The following AAK1 variants were observed in gnomAD, a reference collection of about 807,000 sequenced individuals.
AAK1 encodes the protein AP2 associated kinase 1, also known as AP2-associated protein kinase 1.
AAK1 carries 37 observed loss-of-function variants against 116.0 expected under a neutral mutation model. The observed-to-expected ratio is 0.32, with a 90% confidence interval of 0.25 to 0.42. AAK1 has a LOEUF of 0.42. AAK1 is among the 10% of genes least tolerant of loss of function. The pLI, the probability that AAK1 is intolerant of heterozygous loss-of-function variation, is 1.00. For synonymous variants in AAK1, 458 were observed against 439.9 expected (o/e 1.04, Z -0.51); for missense variants, 919 against 1,170.6 (o/e 0.79, Z 3.14).
chr2:69,500,635 GT>G (rs1316060637), intron 16 of AAK1, among the ~76,000 whole-genome samples: 1 of 139,138 alleles, frequency 7.2e-6, no homozygotes, highest in Non-Finnish European at 1.5e-5. Context: ...TCAAATATGT[GT>G]TTGTAGCTGT....
intron 2 of AAK1, among the ~76,000 whole-genome samples, chr2:69,620,025 G>C (rs1279680471): frequency 6.6e-6 from 1 of 152,154 alleles, no homozygotes; most frequent in Non-Finnish European, 1.5e-5. Flanking sequence ...GCACTTTAAA[G>C]GCTCACTCTG....
intron 2 of AAK1, among the ~76,000 whole-genome samples, chr2:69,590,109 C>CA (rs1467414029): frequency 6.6e-6 from 1 of 152,194 alleles, no homozygotes; most frequent in African/African-American, 2.4e-5. Context: ...ACTACCACTG[C>CA]ATGAGCTCAG....
intron 8 of AAK1, among the ~76,000 whole-genome samples, chr2:69,528,672 G>A (rs1022375109): frequency 2.6e-5 from 4 of 151,940 alleles, no homozygotes; most frequent in African/African-American, 9.7e-5. Context: ...AAGGAAGGAG[G>A]GCTAATGATG....
At chr2:69,621,705 G>A (rs1239694490) in intron 2 of AAK1, among the ~76,000 whole-genome samples, 1 of 152,120 alleles carries the variant, frequency 6.6e-6, no homozygotes, top group Non-Finnish European at 1.5e-5. Context: ...GGCCAACTAC[G>A]AACACGCTGC....
chr2:69,598,956 T>C, intron 2 of AAK1: 1 of 428,364 alleles, frequency 2.3e-6, no homozygotes, highest in South Asian at 1.8e-5. Context: ...CATTATTAAC[T>C]TCACATTCTA....
At chr2:69,599,277 CATA>C (rs1673446704) in intron 2 of AAK1, among the ~76,000 whole-genome samples, 1 of 150,636 alleles carries the variant, frequency 6.6e-6, no homozygotes, top group African/African-American at 2.5e-5. Flanking sequence ...CTCATTAGTC[CATA>C]ATAAGAAAGC....
intron 2 of AAK1, among the ~76,000 whole-genome samples, chr2:69,620,555 C>CA (rs2105235806): frequency 6.6e-6 from 1 of 152,338 alleles, no homozygotes; most frequent in African/African-American, 2.4e-5. Context: ...AATGCTCTTG[C>CA]AGAGGTCAAT....
intron 2 of AAK1, among the ~76,000 whole-genome samples, chr2:69,563,975 C>T (rs1287066635): frequency 3.9e-5 from 6 of 152,066 alleles, no homozygotes; most frequent in African/African-American, 1.2e-4. Context: ...AGGTGGATCA[C>T]GAGGTCAGGA....
At chr2:69,536,101 G>C (rs1423633475) in intron 5 of AAK1, among the ~76,000 whole-genome samples, 1 of 152,184 alleles carries the variant, frequency 6.6e-6, no homozygotes, top group South Asian at 2.1e-4. Flanking sequence ...AGGATAGTAG[G>C]GCAGTATTTA....
chr2:69,518,829 T>C lies in AAK1; in HGVS notation c.1497+125A>G, dbSNP rs909439702. 2.3e-5 allele frequency: 31 copies of C among 1,354,604 alleles called. 1 individual carries two copies. The Admixed American group carries it at 4.0e-4, about 17-fold the overall frequency. The allele number at this position is 1,354,604 out of a possible 1,614,324, so 83.9% of individuals were successfully genotyped here. A position where few individuals can be genotyped will look rare whatever the true frequency, so the allele number is the denominator to read the frequency against. On this transcript the variant is annotated intron_variant, in intron 12 of 21. Transcript: ENST00000409085. ...GGATCCGCTTCTCAATGCTTTAGTA[T>C]CTACATCTATGAGAAACAGTGATGT...
At chr2:69,544,346 G>A in intron 4 of AAK1, 90 bp downstream of exon 4, 1 of 929,298 alleles carries the variant, frequency 1.1e-6, no homozygotes, top group South Asian at 1.4e-5. Context: ...ATCATAGAGT[G>A]CAGTGCACAT....
chr2:69,548,550 CTCTT>C (rs1320586855), intron 3 of AAK1, among the ~76,000 whole-genome samples: 20 of 144,740 alleles, frequency 1.4e-4, no homozygotes, highest in Non-Finnish European at 2.6e-4. Flanking sequence ...TCCTTCCTTC[CTCTT>C]TCTTTCTTTT....
intron 6 of AAK1, chr2:69,531,505 T>C: frequency 1.2e-6 from 1 of 866,464 alleles, no homozygotes; most frequent in Non-Finnish European, 1.4e-6. Flanking sequence ...GAGGAGAAAA[T>C]GGGTCAGGCT....
At chr2:69,534,999 A>G (rs542490499) in intron 5 of AAK1, among the ~76,000 whole-genome samples, 2 of 152,356 alleles carry the variant, frequency 1.3e-5, no homozygotes, top group South Asian at 4.1e-4. Context: ...CACCTTGTCC[A>G]GTGCTGTACA....
At chr2:69,537,495 CT>C (rs1024172113) in intron 5 of AAK1, among the ~76,000 whole-genome samples, 41 of 152,344 alleles carry the variant, frequency 2.7e-4, no homozygotes, top group African/African-American at 9.6e-4. Flanking sequence ...GGCCCGTGCT[CT>C]TTCCCTCATC....
chr2:69,478,137 G>A (rs1674920772), intron 20 of AAK1, among the ~76,000 whole-genome samples: 1 of 152,218 alleles, frequency 6.6e-6, no homozygotes, highest in South Asian at 2.1e-4. Flanking sequence ...ACTTCTACAA[G>A]TTCAACCTTG....
rs924962909 is a variant in AAK1 at position 69,462,874 on chromosome 2, A to C, written c.*12995T>G. On this transcript the variant is annotated 3_prime_UTR_variant, in exon 22 of 22. Transcript: ENST00000409085. Reference sequence around the variant, plus strand: ...CATCCACTAATACATAAAAATCAGAAAGGAGAATTGGGAAAAAGCATATTC... The same window carrying C: ...CATCCACTAATACATAAAAATCAGACAGGAGAATTGGGAAAAAGCATATTC... 5.3e-5 allele frequency: 8 copies of C among 152,208 alleles called. No individual in the cohort carries two copies. Among genetic ancestry groups the C allele is most frequent in the Non-Finnish European group, 1.2e-4 (8 of 68,026 alleles). 9.4% of individuals were successfully genotyped at this position (152,208 alleles called of 1,614,324 possible).
Position 69,468,871 on chromosome 2 carries a change from G to A in AAK1, c.*6998C>T, listed in dbSNP as rs1674581885. On this transcript the variant is annotated 3_prime_UTR_variant, in exon 22 of 22. Coordinates refer to ENST00000409085, the MANE Select transcript of AAK1 (RefSeq NM_014911.5). ...TGTTAAAAAGTGGGTTTTTGGTCGA[G>A]AACCCATTTGGAAAACCTTCCAACT... The A allele has an allele frequency of 1.0e-6, 1 of 985,338 alleles. No homozygotes were observed. The highest frequency in any genetic ancestry group is 1.2e-6 in the Non-Finnish European group (1 of 829,894). 61.0% of individuals were successfully genotyped at this position (985,338 alleles called of 1,614,324 possible). A position where few individuals can be genotyped will look rare whatever the true frequency, so the allele number is the denominator to read the frequency against.
At chr2:69,573,152 G>C (rs1251626520) in intron 2 of AAK1, among the ~76,000 whole-genome samples, 1 of 152,218 alleles carries the variant, frequency 6.6e-6, no homozygotes, top group East Asian at 1.9e-4. Flanking sequence ...CAGAATGTGG[G>C]CTGGGGAGGA....
Sources: gnomAD v4.1 joint callset for allele counts (sites outside exome capture counted in the v4.1 genomes callset) on GRCh38, gnomAD v4.1.1 for gene constraint, MANE v1.5 for transcripts, NCBI Gene and HGNC (gene_info 2026-07-23, HGNC 2026-07-21) for gene names.